Variants in CALN1 observed in about 807,000 individuals in gnomAD.
The protein encoded by CALN1 is calcium-binding protein 8.
In CALN1, 17 loss-of-function variants were observed where a neutral mutation model predicts 30.6. The observed-to-expected ratio is 0.56, with a 90% CI of 0.38 to 0.83. The LOEUF is 0.83. Ranked by LOEUF, CALN1 falls within the 40% of genes least tolerant of loss-of-function variation. The probability of loss-of-function intolerance (pLI) is 0.00; values close to 1 mark genes in which losing one functional copy is unlikely to be tolerated. For missense variants in CALN1, 291 were observed against 354.9 expected, an observed-to-expected ratio of 0.82 and a Z score of 1.45; for synonymous variants, 156 against 131.4, an observed-to-expected ratio of 1.19 and a Z score of -1.28.
At chr7:72,479,991 C>T in the CALN1 span, among the ~76,000 whole-genome samples, 29 of 152,298 alleles carry the variant, frequency 1.9e-4, no homozygotes, top group African/African-American at 5.1e-4. Context: ...TCTACTTTTA[C>T]GCCAATAATA....
intron 1 of CALN1, among the ~76,000 whole-genome samples, chr7:72,410,338 T>A (rs567222071): frequency 2.6e-5 from 4 of 152,310 alleles, no homozygotes; most frequent in African/African-American, 9.6e-5. Flanking sequence ...TACTAAGATG[T>A]ATTCAAAAGC....
At chr7:72,373,480 T>C (rs897407869) in intron 2 of CALN1, among the ~76,000 whole-genome samples, 7 of 152,218 alleles carry the variant, frequency 4.6e-5, no homozygotes, top group African/African-American at 1.2e-4. Flanking sequence ...TCAGTACCCA[T>C]ACAACCATTC....
Position 71,787,682 on chromosome 7 carries a change from A to G in CALN1, c.*93T>C. ...CATCGTCCGCATCCATCCATAGTCC[A>G]TAGGTCCGTGTCTGCTGTGTGGAGG... On this transcript the variant is annotated 3_prime_UTR_variant, in exon 7 of 7. Transcript: ENST00000395275. 1 of 1,537,180 alleles carries G rather than the reference A, an allele frequency of 6.5e-7. No individual in the cohort carries two copies. Among genetic ancestry groups the G allele is most frequent in the Non-Finnish European group, 8.8e-7 (1 of 1,137,412 alleles).
intron 4 of CALN1, among the ~76,000 whole-genome samples, chr7:72,032,968 G>A (rs937455693): frequency 1.3e-5 from 2 of 152,190 alleles, no homozygotes; most frequent in Non-Finnish European, 2.9e-5. Context: ...ATGGAATGCA[G>A]GAGGTCCTAA....
intron 3 of CALN1, among the ~76,000 whole-genome samples, chr7:72,116,079 T>C (rs1807965778): frequency 6.6e-6 from 1 of 152,134 alleles, no homozygotes; most frequent in Admixed American, 6.5e-5. Context: ...GGCACACTTT[T>C]AAAAAGGGAT....
At chr7:72,246,085 C>G (rs985887301) in intron 3 of CALN1, among the ~76,000 whole-genome samples, 1 of 152,182 alleles carries the variant, frequency 6.6e-6, no homozygotes, top group African/African-American at 2.4e-5. Flanking sequence ...TCTTATCCGA[C>G]AAAAGTAATT....
rs374067415 is a variant in CALN1, at chr7:72,408,338, G to A, written c.-74+3720C>T. On this transcript the variant is annotated intron_variant, in intron 1 of 6. Coordinates refer to ENST00000395275, the MANE Select transcript of CALN1 (RefSeq NM_031468.4). ...CGCTTGTAGTCCCAGCTACTCAGGA[G>A]GGTAAGGCATGAAAGAGAATCACTT... Among the ~76,000 whole-genome samples, 196 of 152,014 alleles carry A rather than the reference G, an allele frequency of 1.3e-3. 3 individuals carry two copies. The highest frequency in any genetic ancestry group is 4.3e-3 in the African/African-American group (177 of 41,492).
intron 3 of CALN1, among the ~76,000 whole-genome samples, chr7:72,151,193 T>C (rs775065586): frequency 2.0e-5 from 3 of 152,144 alleles, no homozygotes; most frequent in Admixed American, 6.5e-5. Context: ...ATCAAGGTTA[T>C]ATGTAGGGTT....
intron 5 of CALN1, among the ~76,000 whole-genome samples, chr7:71,932,558 A>G (rs1463289130): frequency 6.6e-6 from 1 of 152,110 alleles, no homozygotes; most frequent in East Asian, 1.9e-4. Context: ...TCACGCCTGT[A>G]ATCCCAGAAC....
intron 5 of CALN1, among the ~76,000 whole-genome samples, chr7:71,868,458 G>C (rs1791723376): frequency 6.7e-6 from 1 of 148,758 alleles, no homozygotes; most frequent in Admixed American, 6.9e-5. Context: ...TGCAACCTCC[G>C]CCTCCTGGGT....
chr7:71,819,366 A>T (rs1788462849), intron 5 of CALN1, among the ~76,000 whole-genome samples: 1 of 151,100 alleles, frequency 6.6e-6, no homozygotes, highest in Non-Finnish European at 1.5e-5. Flanking sequence ...CTGCCACCAC[A>T]CCCGGCTAAT....
chr7:72,291,900 C>A (rs1224480095), intron 2 of CALN1, among the ~76,000 whole-genome samples: 1 of 151,990 alleles, frequency 6.6e-6, no homozygotes, highest in African/African-American at 2.4e-5. Context: ...ACATGAGCCA[C>A]CGAGCCTGAC....
chr7:71,903,117 T>C (rs1793951380), intron 5 of CALN1, among the ~76,000 whole-genome samples: 1 of 151,972 alleles, frequency 6.6e-6, no homozygotes, highest in Non-Finnish European at 1.5e-5. Context: ...GATTGCTACA[T>C]TAAAAAGCTC....
intron 5 of CALN1, among the ~76,000 whole-genome samples, chr7:71,860,776 G>A (rs1443055518): frequency 6.6e-6 from 1 of 152,130 alleles, no homozygotes; most frequent in Non-Finnish European, 1.5e-5. Flanking sequence ...AAAACAGGCA[G>A]CGAGGAAGAG....
chr7:72,462,537 G>A, the CALN1 span, among the ~76,000 whole-genome samples: 1 of 152,156 alleles, frequency 6.6e-6, no homozygotes, highest in Non-Finnish European at 1.5e-5. Flanking sequence ...GGGAATGACT[G>A]ATGAGGTCGA....
At chr7:72,060,626 C>T (rs1215045466) in intron 4 of CALN1, among the ~76,000 whole-genome samples, 1 of 152,082 alleles carries the variant, frequency 6.6e-6, no homozygotes, top group Non-Finnish European at 1.5e-5. Flanking sequence ...GAATGTGAGC[C>T]CCAATGTTGA....
chr7:72,183,157 T>C (rs1400749826), intron 3 of CALN1, among the ~76,000 whole-genome samples: 2 of 150,946 alleles, frequency 1.3e-5, no homozygotes, highest in African/African-American at 2.4e-5. Flanking sequence ...TCTGCCTCCC[T>C]GGTTCAAGCG....
chr7:72,109,985 C>T (rs549753345), intron 3 of CALN1, among the ~76,000 whole-genome samples: 19 of 152,324 alleles, frequency 1.2e-4, no homozygotes, highest in Non-Finnish European at 1.8e-4. Context: ...ACAAGGTCTG[C>T]GGCTGCAGTT....
intron 2 of CALN1, among the ~76,000 whole-genome samples, chr7:72,372,554 T>A (rs1000478879): frequency 6.6e-6 from 1 of 152,170 alleles, no homozygotes; most frequent in African/African-American, 2.4e-5. Flanking sequence ...ATTTCATGAG[T>A]ATATTGATTC....
Sources: allele counts gnomAD v4.1 joint callset (sites outside exome capture counted in the v4.1 genomes callset), GRCh38; gene constraint gnomAD v4.1.1; transcripts MANE v1.5; gene names NCBI Gene and HGNC (gene_info 2026-07-23, HGNC 2026-07-21).